The following STOML3 variants were observed in gnomAD, a reference collection of about 807,000 sequenced individuals.
STOML3 encodes stomatin-like protein 3.
STOML3 carries 31 observed loss-of-function variants against 29.5 expected under a neutral mutation model. The ratio of observed to expected loss-of-function variants is 1.05; its 90% CI spans 0.79 to 1.42. STOML3 has a LOEUF of 1.42. Among genes scored for constraint, STOML3 ranks in the 40% most tolerant of loss-of-function variants. The pLI is 0.00. For missense variants in STOML3, 380 were observed against 363.0 expected, an observed-to-expected ratio of 1.05 and a Z score of -0.38; for synonymous variants, 122 against 139.8, an observed-to-expected ratio of 0.87 and a Z score of 0.90.
rs1362781577 is a variant in STOML3, at chr13:38,990,680, C to A, written c.42G>T (p.Glu14Asp). The change falls in exon 1 of 7, where the codon GAG becomes GAT. Residue 14 changes from glutamate (E) to aspartate (D), a missense_variant. Transcript: ENST00000379631. ...RVSSPEKQDK[E>D]NFVGVNNKRL... is the part of the protein sequence containing the mutation. ...GAAAAAGGAACTTACCCACGAAATT[C>A]TCTTTATCTTGCTTCTCAGGTGAAG... 15 of 1,613,850 alleles carry A rather than the reference C, an allele frequency of 9.3e-6. No individual in the cohort carries two copies. In the Admixed American group the frequency reaches 2.5e-4, roughly 27 times the overall value.
At chr13:38,980,989 T>C (rs756058833) in intron 1 of STOML3, among the ~76,000 whole-genome samples, 1 of 152,172 alleles carries the variant, frequency 6.6e-6, no homozygotes, top group Non-Finnish European at 1.5e-5. Flanking sequence ...CAGCAAAATA[T>C]TTAATCAATA....
chr13:38,966,969 A>C lies in STOML3; in HGVS notation c.732T>G (p.Ala244=). ...AGGTCTGCAGGTAGCGCAGCTGGAG[A>C]GCTATGGGAGACTCAGCCAGCACCA... ...ASMVLAESPI[A]LQLRYLQTLS... The change falls in exon 7 of 7, where the codon GCT becomes GCG. Residue 244 remains alanine, a synonymous_variant. Transcript: ENST00000379631. 6.2e-7 allele frequency: 1 copy of C among 1,613,968 alleles called. No homozygotes were observed. Among genetic ancestry groups the C allele is most frequent in the Non-Finnish European group, 8.5e-7 (1 of 1,180,000 alleles).
rs371208112 is a variant in STOML3 at position 38,986,035 on chromosome 13, GTTTTTTT to G, written c.52+4628_52+4634del. ...AAGTTTTCTTTGACATATTTACCTG[GTTTTTTT>G]TTTTTTTTTTTTTGGTTTGTTTGTT... On this transcript the variant is annotated intron_variant, in intron 1 of 6. Transcript: ENST00000379631. Among the ~76,000 whole-genome samples the G allele has an allele frequency of 5.7e-5, 4 of 70,688 alleles. No homozygotes were observed. In the East Asian group the frequency reaches 1.2e-3, roughly 21 times the overall value. 46.4% of individuals were successfully genotyped at this position (70,688 alleles called of 152,430 possible). A position where few individuals can be genotyped will look rare whatever the true frequency, so the allele number is the denominator to read the frequency against.
intron 1 of STOML3, among the ~76,000 whole-genome samples, chr13:38,978,664 C>T (rs1881176728): frequency 6.6e-6 from 1 of 152,176 alleles, no homozygotes; most frequent in African/African-American, 2.4e-5. Context: ...CCAGGTTAGG[C>T]AGGTCATCAT....
At chr13:38,970,493 C>T (rs761367087) in intron 4 of STOML3, 105 bp from the exon 5 acceptor site, 25 of 908,094 alleles carry the variant, frequency 2.8e-5, no homozygotes, top group African/African-American at 8.2e-5. Context: ...AGAGCAGTAA[C>T]GACAACTCAT....
At chr13:38,972,445 G>A (rs1395838679) in intron 4 of STOML3, 67 bp downstream of exon 4, 2 of 1,484,036 alleles carry the variant, frequency 1.3e-6, no homozygotes. Flanking sequence ...CTATAAAATT[G>A]TAATTGTCCT....
intron 1 of STOML3, among the ~76,000 whole-genome samples, chr13:38,989,963 C>T (rs753340467): frequency 1.1e-4 from 16 of 151,988 alleles, no homozygotes; most frequent in Admixed American, 2.6e-4. Flanking sequence ...ATCATAATCA[C>T]TTTCTGAACA....
intron 1 of STOML3, among the ~76,000 whole-genome samples, chr13:38,988,320 T>TTATATTTTATATCATATATTTTATATCA (rs1868755539): frequency 3.4e-5 from 2 of 57,980 alleles, no homozygotes; most frequent in South Asian, 7.0e-4. Context: ...ATATAATATA[T>TTATATTTTATATCATATATTTTATATCA]TATATTTTAT....
chr13:38,986,333 C>A (rs757741146), intron 1 of STOML3, among the ~76,000 whole-genome samples: 1 of 152,052 alleles, frequency 6.6e-6, no homozygotes, highest in South Asian at 2.1e-4. Context: ...CTATACCTAG[C>A]CTATATTTAC....
chr13:38,989,505 A>AC (rs1459494482), intron 1 of STOML3, among the ~76,000 whole-genome samples: 1 of 140,890 alleles, frequency 7.1e-6, no homozygotes, highest in African/African-American at 2.8e-5. Context: ...TCTTTATTCC[A>AC]TTTTTTTTTC....
At chr13:38,973,027 G>A (rs1880936234) in intron 3 of STOML3, among the ~76,000 whole-genome samples, 1 of 148,758 alleles carries the variant, frequency 6.7e-6, no homozygotes, top group Admixed American at 6.8e-5. Flanking sequence ...GGGAGGCCGA[G>A]GCAGGCAGAT....
At chr13:38,981,710 A>G (rs1881271973) in intron 1 of STOML3, among the ~76,000 whole-genome samples, 1 of 152,146 alleles carries the variant, frequency 6.6e-6, no homozygotes, top group Admixed American at 6.5e-5. Context: ...AGTCAAAACC[A>G]CCGTAAGATT....
At position 38,972,523 on chromosome 13, in the gene STOML3, G is replaced by A; in HGVS notation, c.301C>T (p.Pro101Ser). 6.2e-7 allele frequency: 1 copy of A among 1,613,904 alleles called. No homozygotes were observed. The change falls in exon 4 of 7, where the codon CCT becomes TCT. Residue 101 changes from proline (P) to serine (S), a missense_variant. Physicochemically the swap from Pro to Ser is moderately conservative, Grantham distance 74 (BLOSUM62 -1). Coordinates refer to ENST00000379631, the MANE Select transcript of STOML3 (RefSeq NM_145286.3). The part of the protein sequence containing the change: ...VDLRTVTCNI[P>S]PQEILTRDSV... The stretch of plus-strand genomic sequence containing the variant: ...TTAATCAGTACTACCTCTTGTGGAG[G>A]AATGTTGCAAGTAACTGTTCGGAGG...
In STOML3 at chr13:38,989,327, T is replaced by A. The variant is rs559426273; in HGVS notation, c.52+1343A>T. ...CAGTTGATGTCTTCACCTGTTAAAA[T>A]GGAAACTAAATGTCTCATGAAGGAT... On this transcript the variant is annotated intron_variant, in intron 1 of 6. Transcript: ENST00000379631. 2.7e-4 allele frequency among the ~76,000 whole-genome samples: 41 copies of A among 152,160 alleles called. 2 individuals are homozygous for A. The South Asian group carries it at 8.5e-3, about 32-fold the overall frequency.
chr13:38,977,523 G>C (rs1362859239), intron 1 of STOML3, among the ~76,000 whole-genome samples: 1 of 152,122 alleles, frequency 6.6e-6, no homozygotes, highest in African/African-American at 2.4e-5. Context: ...CCAGGGACTT[G>C]TTGTCAGATG....
chr13:38,988,689 C>A (rs1337930190), intron 1 of STOML3, among the ~76,000 whole-genome samples: 1 of 132,126 alleles, frequency 7.6e-6, no homozygotes, highest in African/African-American at 2.8e-5. Flanking sequence ...TATTTGATAT[C>A]AAACACATCA....
In STOML3 at chr13:38,967,180, T is replaced by C. The variant is rs1880689214; in HGVS notation, c.652-131A>G. 3.8e-6 allele frequency: 3 copies of C among 780,828 alleles called. No homozygotes were observed. The African/African-American group carries it at 5.3e-5, about 14-fold the overall frequency. 48.4% of individuals were successfully genotyped at this position (780,828 alleles called of 1,614,324 possible). A position where few individuals can be genotyped will look rare whatever the true frequency, so the allele number is the denominator to read the frequency against. ...GCCACATGTGTTTCATCTACTTCTT[T>C]GGCGAGGATAAGTTTCACTTCCTAA... is the stretch of plus-strand genomic sequence containing the variant. On this transcript the variant is annotated intron_variant, in intron 6 of 6. Coordinates refer to ENST00000379631, the MANE Select transcript of STOML3 (RefSeq NM_145286.3).
At chr13:38,984,852 A>AT (rs1868446788) in intron 1 of STOML3, among the ~76,000 whole-genome samples, 1 of 152,150 alleles carries the variant, frequency 6.6e-6, no homozygotes, top group African/African-American at 2.4e-5. Flanking sequence ...AGTGCTCTGA[A>AT]TGCAGGTATT....
At chr13:38,977,821 G>A (rs981201331) in intron 1 of STOML3, among the ~76,000 whole-genome samples, 5 of 142,522 alleles carry the variant, frequency 3.5e-5, no homozygotes, top group South Asian at 2.3e-4. Flanking sequence ...GTACAGTGGC[G>A]CGCTCTTGGC....
Sources: allele counts gnomAD v4.1 joint callset (sites outside exome capture counted in the v4.1 genomes callset), GRCh38; gene constraint gnomAD v4.1.1; transcripts MANE v1.5; gene names NCBI Gene and HGNC (gene_info 2026-07-23, HGNC 2026-07-21).